SLAIN1: variants seen among roughly 807,000 people sequenced by gnomAD.
SLAIN1 encodes the protein SLAIN family member 1, also known as SLAIN motif-containing protein 1.
A neutral mutation model predicts 55.4 loss-of-function variants in SLAIN1; 17 were observed. The observed-to-expected ratio is 0.31, with a 90% CI of 0.21 to 0.46. SLAIN1 has a LOEUF of 0.46. Ranked by LOEUF, SLAIN1 falls within the 20% of genes least tolerant of loss-of-function variation. SLAIN1 has a pLI of 1.00. For synonymous variants in SLAIN1, 348 were observed against 337.4 expected (o/e 1.03, Z -0.35); for missense variants, 682 against 785.1 (o/e 0.87, Z 1.57).
At chr13:77,741,238 T>G (rs998407598) in intron 2 of SLAIN1, 2 of 986,192 alleles carry the variant, frequency 2.0e-6, no homozygotes, top group African/African-American at 3.5e-5. Flanking sequence ...AAAGAACTAT[T>G]GGTCTTTTAA....
intron 2 of SLAIN1, chr13:77,743,264 T>G: frequency 9.7e-7 from 1 of 1,026,116 alleles, no homozygotes; most frequent in Non-Finnish European, 1.3e-6. Context: ...GAGAATAATC[T>G]TAAGAGTGGA....
chr13:77,754,155 G>C (rs1030874165), intron 5 of SLAIN1, among the ~76,000 whole-genome samples: 2 of 152,166 alleles, frequency 1.3e-5, no homozygotes, highest in Non-Finnish European at 2.9e-5. Context: ...CATGTTCTGA[G>C]TGTACTGGCC....
At chr13:77,762,159 GTTTA>G (rs1875084946) in intron 6 of SLAIN1, among the ~76,000 whole-genome samples, 1 of 152,162 alleles carries the variant, frequency 6.6e-6, no homozygotes, top group African/African-American at 2.4e-5. Context: ...TTTGGTACAT[GTTTA>G]TTTATTCAGT....
intron 2 of SLAIN1, chr13:77,741,445 G>A (rs1873433202): frequency 1.0e-6 from 1 of 987,252 alleles, no homozygotes; most frequent in African/African-American, 1.7e-5. Context: ...ACCACTGTAA[G>A]TTACGGGTTG....
At chr13:77,736,704 C>G (rs1001355496) in intron 2 of SLAIN1, among the ~76,000 whole-genome samples, 1 of 152,066 alleles carries the variant, frequency 6.6e-6, no homozygotes, top group Non-Finnish European at 1.5e-5. Context: ...AGCCAGTAGC[C>G]TCTTTTTAGT....
chr13:77,762,906 G>T (rs1333587721), intron 6 of SLAIN1, among the ~76,000 whole-genome samples: 1 of 151,996 alleles, frequency 6.6e-6, no homozygotes, highest in African/African-American at 2.4e-5. Flanking sequence ...CTTTATTTAT[G>T]TTGCAAATTT....
chr13:77,753,285 C>T lies in SLAIN1; in HGVS notation c.1341C>T (p.Thr447=), dbSNP rs370113642. ...GTAGCAACATTAGTTCTCCGGTCAC[C>T]GTGCGAAATAGTCAGAGTTTTGACT... is the stretch of plus-strand genomic sequence containing the variant. The part of the protein sequence containing the change: ...AISSNISSPV[T]VRNSQSFDSS... Residue 447 remains threonine, a synonymous_variant, in exon 5 of 7, where the codon ACC becomes ACT. Transcript: ENST00000418532. 5.0e-5 allele frequency: 81 copies of T among 1,612,756 alleles called. No individual in the cohort carries two copies. Among genetic ancestry groups the T allele is most frequent in the Admixed American group, 5.0e-4 (30 of 59,768 alleles).
chr13:77,714,061 T>G (rs1223089463), intron 1 of SLAIN1, among the ~76,000 whole-genome samples: 1 of 151,972 alleles, frequency 6.6e-6, no homozygotes, highest in African/African-American at 2.4e-5. Context: ...TTAGGAGAAA[T>G]GCCTAACGTA....
chr13:77,706,220 T>G (rs1027912511), intron 1 of SLAIN1, among the ~76,000 whole-genome samples: 4 of 152,140 alleles, frequency 2.6e-5, no homozygotes, highest in Admixed American at 2.0e-4. Context: ...CCTCTCACCC[T>G]TGACTACCAT....
intron 4 of SLAIN1, among the ~76,000 whole-genome samples, chr13:77,752,288 C>CTTT (rs79381085): frequency 0.017 from 1,560 of 94,182 alleles, 26 homozygotes; most frequent in African/African-American, 0.033. Flanking sequence ...TTCTAGGGTT[C>CTTT]TTTTTTTTTT....
At chr13:77,713,027 A>T (rs1472164854) in intron 1 of SLAIN1, among the ~76,000 whole-genome samples, 2 of 152,094 alleles carry the variant, frequency 1.3e-5, no homozygotes. Flanking sequence ...CTGAAACCAG[A>T]CCCCTTCCTT....
At chr13:77,733,829 A>G (rs184618332) in intron 2 of SLAIN1, among the ~76,000 whole-genome samples, 11 of 152,252 alleles carry the variant, frequency 7.2e-5, no homozygotes, top group Admixed American at 2.0e-4. Flanking sequence ...TGGAGAAACT[A>G]ATGCTACTCA....
At chr13:77,743,108 A>T in intron 2 of SLAIN1, 1 of 1,303,450 alleles carries the variant, frequency 7.7e-7, no homozygotes, top group Admixed American at 2.3e-5. Context: ...CAATGGCATT[A>T]ATACTCCCAG....
rs116914833 is a variant in SLAIN1, at chr13:77,714,792, T to C, written c.627-4740T>C. Among the ~76,000 whole-genome samples, 49 of 152,274 alleles carry C rather than the reference T, an allele frequency of 3.2e-4. No homozygotes were observed. The East Asian group carries it at 9.5e-3, about 29-fold the overall frequency. ...CCACAGTTAATGTGTAGTGAACAGA[T>C]TTCAACACTTGAAGTTTCCTGTGGC... On this transcript the variant is annotated intron_variant, in intron 1 of 6. Transcript: ENST00000418532.
intron 6 of SLAIN1, among the ~76,000 whole-genome samples, chr13:77,762,140 AG>A (rs933815754): frequency 6.6e-6 from 1 of 152,274 alleles, no homozygotes; most frequent in Non-Finnish European, 1.5e-5. Context: ...ACTGCCAGAT[AG>A]AAATAATTTT....
intron 1 of SLAIN1, among the ~76,000 whole-genome samples, chr13:77,710,799 C>T (rs1273910090): frequency 3.3e-5 from 5 of 152,166 alleles, no homozygotes; most frequent in Non-Finnish European, 7.3e-5. Context: ...TTTTCAGCAC[C>T]ATGTCACACT....
chr13:77,702,260 T>C (rs1395912174), intron 1 of SLAIN1, among the ~76,000 whole-genome samples: 1 of 152,080 alleles, frequency 6.6e-6, no homozygotes, highest in Non-Finnish European at 1.5e-5. Context: ...CTCATCCTGC[T>C]ATACTGATTC....
rs765398440 is a variant in SLAIN1, at chr13:77,746,580, G to A, written c.983G>A (p.Ser328Asn). The A allele has an allele frequency of 5.6e-6, 9 of 1,613,480 alleles. No homozygotes were observed. The African/African-American group carries it at 1.2e-4, about 22-fold the overall frequency. ...AGACATAGTTCCAGTGTGTCATTGA[G>A]TTCAGGAAAAAAAGGGACATGTAGT... ...VSRHSSSVSLSSGKKGTCSDQ... is the reference protein window; with the variant it reads ...VSRHSSSVSLNSGKKGTCSDQ... Residue 328 changes from serine to asparagine, a missense_variant, in exon 4 of 7, where the codon AGT becomes AAT. By Grantham distance (46) the Ser-to-Asn change is conservative (BLOSUM62 1). This residue lies in a region of SLAIN1 where 37 missense variants were observed against 72.6 expected (regional missense o/e 0.51). Transcript: ENST00000418532.
At chr13:77,746,474 T>G (rs1873820077) in intron 3 of SLAIN1, 40 bp from the exon 4 acceptor site, 1 of 1,496,174 alleles carries the variant, frequency 6.7e-7, no homozygotes, top group East Asian at 2.3e-5. Flanking sequence ...AAATGTTAGC[T>G]AGATCAAAAT....
Sources: gnomAD v4.1 joint callset for allele counts (sites outside exome capture counted in the v4.1 genomes callset) on GRCh38, gnomAD v4.1.1 for gene constraint, gnomAD v4.1.1 regional missense constraint, MANE v1.5 for transcripts, NCBI Gene and HGNC (gene_info 2026-07-23, HGNC 2026-07-21) for gene names.